Variants in COL1A2 observed in about 807,000 individuals in gnomAD.
COL1A2 encodes collagen alpha-2(I) chain.
COL1A2 carries 49 observed loss-of-function variants against 174.3 expected under a neutral mutation model. The observed-to-expected ratio is 0.28, with a 90% CI of 0.22 to 0.36. COL1A2 has a LOEUF of 0.36. Ranked by LOEUF, COL1A2 falls within the 10% of genes least tolerant of loss-of-function variation. The probability of loss-of-function intolerance (pLI) is 1.00; values close to 1 mark genes in which losing one functional copy is unlikely to be tolerated. For synonymous variants in COL1A2, 655 were observed against 606.6 expected, an observed-to-expected ratio of 1.08 and a Z score of -1.17; for missense variants, 1,438 against 1,822.7, an observed-to-expected ratio of 0.79 and a Z score of 3.84.
intron 34 of COL1A2, 45 bp downstream of exon 34, chr7:94,419,596 C>T: frequency 6.2e-7 from 1 of 1,608,546 alleles, no homozygotes; most frequent in Non-Finnish European, 8.5e-7. Context: ...TCTAAAATTT[C>T]CCGCCTTCCC....
Position 94,412,572 on chromosome 7 carries a change from C to T in COL1A2, c.1405-12C>T. 1.2e-6 allele frequency: 2 copies of T among 1,608,952 alleles called. No individual in the cohort carries two copies. Among genetic ancestry groups the T allele is most frequent in the East Asian group, 2.2e-5 (1 of 44,824 alleles). On this transcript the variant is annotated splice_polypyrimidine_tract_variant and intron_variant, in intron 24 of 51. Transcript: ENST00000297268. ...TTGACACTGAGTAAACTTGAAATAACTCTGCTTTCAGGGCCTCCCTGGCAT... is the reference window on the plus strand; with the variant it reads ...TTGACACTGAGTAAACTTGAAATAATTCTGCTTTCAGGGCCTCCCTGGCAT...
intron 50 of COL1A2, 76 bp from the exon 51 acceptor site, chr7:94,429,108 CTTTT>C: frequency 1.6e-5 from 13 of 815,798 alleles, no homozygotes; most frequent in South Asian, 3.9e-5. Flanking sequence ...CTTTTTTTTT[CTTTT>C]TTTTTTTTTT....
intron 39 of COL1A2, 122 bp from the exon 40 acceptor site, chr7:94,422,835 T>A (rs952069400): frequency 2.6e-6 from 3 of 1,173,412 alleles, no homozygotes; most frequent in Non-Finnish European, 3.8e-6. Context: ...TTCCCCCAAA[T>A]GGCCAGGGTA....
intron 6 of COL1A2, among the ~76,000 whole-genome samples, 162 bp from the exon 7 acceptor site, chr7:94,404,394 A>G (rs954570136): frequency 1.3e-5 from 2 of 152,230 alleles, no homozygotes; most frequent in Admixed American, 1.3e-4. Context: ...AAGGGAGAGA[A>G]CTAGTGCAGG....
intron 31 of COL1A2, 140 bp from the exon 32 acceptor site, chr7:94,417,584 C>G (rs984006987): frequency 9.7e-6 from 7 of 724,706 alleles, no homozygotes; most frequent in Non-Finnish European, 1.7e-5. Context: ...TCCCTCCTTT[C>G]AATAGCCCAG....
At chr7:94,409,884 C>G in intron 19 of COL1A2, 63 bp downstream of exon 19, 1 of 1,441,430 alleles carries the variant, frequency 6.9e-7, no homozygotes, top group East Asian at 2.3e-5. Context: ...CATTTCATCA[C>G]TATCTAGACT....
Position 94,414,559 on chromosome 7 carries a change from C to T in COL1A2, c.1719+284C>T, listed in dbSNP as rs150221927. On this transcript the variant is annotated intron_variant, in intron 29 of 51. Transcript: ENST00000297268. ...TTACTTTTTGTATTGTTCTTGATAA[C>T]GTTAAGATACAAATTATTTCCTTCC... Among the ~76,000 whole-genome samples, 2,710 of 152,158 alleles carry T rather than the reference C, an allele frequency of 0.018. 69 individuals carry two copies. The highest frequency in any genetic ancestry group is 0.11 in the South Asian group (507 of 4,820).
chr7:94,396,314 TTGTGTGTGTGTG>T (rs60833112), intron 1 of COL1A2, among the ~76,000 whole-genome samples: 3 of 149,640 alleles, frequency 2.0e-5, no homozygotes, highest in African/African-American at 2.5e-5. Flanking sequence ...ATTTGTGTGC[TTGTGTGTGTGTG>T]TGTGTGTGTG....
chr7:94,410,383 T>C, intron 20 of COL1A2, 37 bp from the exon 21 acceptor site: 1 of 1,566,508 alleles, frequency 6.4e-7, no homozygotes, highest in Non-Finnish European at 8.7e-7. Flanking sequence ...AAAATTATTT[T>C]TTTACTCCCT....
intron 1 of COL1A2, 29 bp downstream of exon 1, chr7:94,395,130 A>T: frequency 6.2e-7 from 1 of 1,602,480 alleles, no homozygotes; most frequent in South Asian, 1.1e-5. Flanking sequence ...TTTGGGGGAG[A>T]CTGGGTAGAG....
At chr7:94,419,379 C>A (rs1409836175) in intron 33 of COL1A2, 119 bp from the exon 34 acceptor site, 18 of 1,175,754 alleles carry the variant, frequency 1.5e-5, no homozygotes, top group Non-Finnish European at 2.1e-5. Flanking sequence ...TCTAGATATC[C>A]AACCAGAGTG....
intron 40 of COL1A2, 25 bp downstream of exon 40, chr7:94,423,143 C>G: frequency 6.2e-7 from 1 of 1,612,984 alleles, no homozygotes; most frequent in Non-Finnish European, 8.5e-7. Flanking sequence ...ACTCCTCTTT[C>G]TTAATACCTT....
rs765942143 is a variant in COL1A2, at chr7:94,424,410, T to G, written c.2640T>G (p.Gly880=). ...PGILGLPGSR[G]ERGLPGVAGA... ...TTCTGGGTCTCCCTGGCTCGAGAGG[T>G]GAACGTGGTCTACCAGGTGTTGCTG... is the stretch of plus-strand genomic sequence containing the variant. The change falls in exon 41 of 52, where the codon GGT becomes GGG. Residue 880 remains glycine, a synonymous_variant. Coordinates refer to ENST00000297268, the MANE Select transcript of COL1A2 (RefSeq NM_000089.4). The G allele has an allele frequency of 2.5e-6, 4 of 1,613,994 alleles. No individual in the cohort carries two copies. The African/African-American group carries it at 5.3e-5, about 22-fold the overall frequency.
intron 33 of COL1A2, among the ~76,000 whole-genome samples, chr7:94,418,792 A>G (rs185987514): frequency 1.2e-4 from 18 of 152,116 alleles, no homozygotes; most frequent in African/African-American, 4.1e-4. Flanking sequence ...CCTAGTGTCA[A>G]TGATACCAAC....
chr7:94,429,287 C>T lies in COL1A2; in HGVS notation c.3811C>T (p.His1271Tyr). 1 of 1,614,044 alleles carries T rather than the reference C, an allele frequency of 6.2e-7. No individual in the cohort carries two copies. Among genetic ancestry groups the T allele is most frequent in the South Asian group, 1.1e-5 (1 of 91,078 alleles). Residue 1271 changes from histidine to tyrosine, a missense_variant, in exon 51 of 52, where the codon CAC becomes TAC. Physicochemically the swap from His to Tyr is moderately conservative, Grantham distance 83. Transcript: ENST00000297268. ...ANYASQNITY[H>Y]CKNSIAYMDE... The stretch of plus-strand genomic sequence containing the variant: ...CTATGCCTCTCAGAACATCACCTAC[C>T]ACTGCAAGAACAGCATTGCATACAT...
chr7:94,405,703 C>T lies in COL1A2; in HGVS notation c.517C>T (p.Leu173Phe). The change falls in exon 11 of 52, where the codon CTT becomes TTT. Residue 173 changes from leucine (L) to phenylalanine (F), a missense_variant. Leu to Phe is a conservative substitution (Grantham distance 22). Transcript: ENST00000297268. ...TCGTGGTTTCCCTGGAACTCCTGGACTTCCTGGCTTCAAAGGCATTAGGGT... is the reference window on the plus strand; with the variant it reads ...TCGTGGTTTCCCTGGAACTCCTGGATTTCCTGGCTTCAAAGGCATTAGGGT... The part of the protein sequence containing the change: ...GARGFPGTPG[L>F]PGFKGIRGHN... The T allele has an allele frequency of 1.2e-6, 2 of 1,613,562 alleles. No homozygotes were observed. Among genetic ancestry groups the T allele is most frequent in the Non-Finnish European group, 1.7e-6 (2 of 1,179,462 alleles).
At chr7:94,412,161 T>G (rs372015252) in intron 24 of COL1A2, 40 bp downstream of exon 24, 69 of 1,541,342 alleles carry the variant, frequency 4.5e-5, no homozygotes, top group Non-Finnish European at 5.9e-5. Flanking sequence ...TCAAGGACAC[T>G]TATTGCACCC....
chr7:94,415,168 A>C, intron 29 of COL1A2, 58 bp from the exon 30 acceptor site: 1 of 1,503,194 alleles, frequency 6.7e-7, no homozygotes, highest in Non-Finnish European at 9.3e-7. Context: ...TATTTTAATC[A>C]TAAGTGAATT....
In COL1A2 at chr7:94,409,372, C is replaced by T. The variant is rs1463554542; in HGVS notation, c.843C>T (p.Pro281=). ...CTGGTCCTGCTGGTCCCGCCGGTCC[C>T]CGTGGTGAAGTGGGTCTTCCAGGCC... ...GNAGPAGPAG[P]RGEVGLPGLS... The change falls in exon 17 of 52, where the codon CCC becomes CCT. Residue 281 remains proline, a synonymous_variant. Transcript: ENST00000297268. 1.2e-6 allele frequency: 2 copies of T among 1,614,138 alleles called. No individual in the cohort carries two copies. Among genetic ancestry groups the T allele is most frequent in the South Asian group, 1.1e-5 (1 of 91,080 alleles).
Sources: gnomAD v4.1 joint callset for allele counts (sites outside exome capture counted in the v4.1 genomes callset) on GRCh38, gnomAD v4.1.1 for gene constraint, MANE v1.5 for transcripts, NCBI Gene and HGNC (gene_info 2026-07-23, HGNC 2026-07-21) for gene names.